The following MAPKAPK5 variants were observed in gnomAD, a reference collection of about 807,000 sequenced individuals.
MAPKAPK5 encodes MAP kinase-activated protein kinase 5.
Under a neutral mutation model 65.1 loss-of-function variants are expected in MAPKAPK5, and 30 were observed. The observed-to-expected ratio is 0.46, with a 90% CI of 0.34 to 0.63. MAPKAPK5 has a LOEUF of 0.63. Among genes scored for constraint, MAPKAPK5 ranks in the 20% least tolerant of loss-of-function variants. The probability of loss-of-function intolerance (pLI) is 0.01; values close to 1 mark genes in which losing one functional copy is unlikely to be tolerated. For missense variants in MAPKAPK5, 433 were observed against 581.4 expected, an observed-to-expected ratio of 0.74 and a Z score of 2.63; for synonymous variants, 179 against 204.6, an observed-to-expected ratio of 0.87 and a Z score of 1.07.
intron 7 of MAPKAPK5, among the ~76,000 whole-genome samples, chr12:111,877,703 C>T (rs1458991708): frequency 6.6e-6 from 1 of 152,040 alleles, no homozygotes; most frequent in Admixed American, 6.6e-5. Flanking sequence ...TTGTTGGAGA[C>T]AGGGTCTTGC....
intron 1 of MAPKAPK5, among the ~76,000 whole-genome samples, chr12:111,850,214 A>C (rs1437282577): frequency 6.6e-6 from 1 of 151,888 alleles, no homozygotes; most frequent in Non-Finnish European, 1.5e-5. Context: ...TTTTTAATAG[A>C]GACGGGGTTT....
intron 9 of MAPKAPK5, among the ~76,000 whole-genome samples, chr12:111,884,812 C>T (rs113477308): frequency 7.2e-5 from 11 of 152,262 alleles, no homozygotes; most frequent in African/African-American, 2.6e-4. Context: ...TGGGAGCTGT[C>T]TCCCAACAGT....
intron 1 of MAPKAPK5, among the ~76,000 whole-genome samples, chr12:111,853,689 C>T (rs2136078927): frequency 6.6e-6 from 1 of 152,184 alleles, no homozygotes; most frequent in Non-Finnish European, 1.5e-5. Context: ...TGCCTGCCAC[C>T]ACACCTGGCT....
At chr12:111,873,265 A>G (rs1204350566) in intron 7 of MAPKAPK5, among the ~76,000 whole-genome samples, 1 of 152,188 alleles carries the variant, frequency 6.6e-6, no homozygotes, top group East Asian at 1.9e-4. Flanking sequence ...ATCATTGGTA[A>G]AATGTTTTTT....
chr12:111,886,255 A>C (rs940097649), intron 10 of MAPKAPK5, among the ~76,000 whole-genome samples: 3 of 152,194 alleles, frequency 2.0e-5, no homozygotes, highest in Non-Finnish European at 2.9e-5. Context: ...GGAGCACTCA[A>C]AGGAATAGCC....
In MAPKAPK5 at chr12:111,881,966, A is replaced by G. The variant is rs562230849; in HGVS notation, c.660+1439A>G. On this transcript the variant is annotated intron_variant, in intron 8 of 13. Coordinates refer to ENST00000550735, the MANE Select transcript of MAPKAPK5 (RefSeq NM_003668.4). ...TGAGAGATGACATGATCTCTGCAGT[A>G]TTAGTTCCCTTTCTGGAAAGTGAGG... Among the ~76,000 whole-genome samples, 15 of 152,336 alleles carry G rather than the reference A, an allele frequency of 9.8e-5. No individual in the cohort carries two copies. The South Asian group carries it at 2.7e-3, about 27-fold the overall frequency.
At position 111,900,949 on chromosome 12, in the gene MAPKAPK5, A is replaced by G. The variant is rs1202004248; in HGVS notation, c.*7888A>G. The G allele has an allele frequency of 2.2e-6, 1 of 456,000 alleles. No individual in the cohort carries two copies. The highest frequency in any genetic ancestry group is 6.9e-5 in the East Asian group (1 of 14,408). The allele number at this position is 456,000 out of a possible 1,614,324, so 28.2% of individuals were successfully genotyped here. A position where few individuals can be genotyped will look rare whatever the true frequency, so the allele number is the denominator to read the frequency against. On this transcript the variant is annotated 3_prime_UTR_variant, in exon 14 of 14. Transcript: ENST00000550735. ...GAGTGTTACAATTCAATGAACAGCA[A>G]AGGGGACCAATTTGGAAACTGTGGC...
chr12:111,859,869 G>A (rs1314674799), intron 1 of MAPKAPK5, among the ~76,000 whole-genome samples: 1 of 151,194 alleles, frequency 6.6e-6, no homozygotes, highest in African/African-American at 2.4e-5. Flanking sequence ...GGCTGGTCTC[G>A]AACTCCTGAC....
chr12:111,859,569 T>A (rs1021190214), intron 1 of MAPKAPK5, among the ~76,000 whole-genome samples: 8 of 151,674 alleles, frequency 5.3e-5, no homozygotes, highest in African/African-American at 1.7e-4. Context: ...CGGTCAATTT[T>A]AAAATTTTTA....
At chr12:111,889,953 G>T in intron 12 of MAPKAPK5, 87 bp from the exon 13 acceptor site, 1 of 797,826 alleles carries the variant, frequency 1.3e-6, no homozygotes, top group Non-Finnish European at 2.1e-6. Flanking sequence ...TTTTCAACCA[G>T]TTGGACATCA....
At chr12:111,852,828 C>G (rs2069126161) in intron 1 of MAPKAPK5, among the ~76,000 whole-genome samples, 2 of 152,088 alleles carry the variant, frequency 1.3e-5, no homozygotes, top group South Asian at 4.2e-4. Context: ...GGCTTAAGTG[C>G]AGTAGTGCAA....
chr12:111,880,327 T>G (rs2070152139), intron 7 of MAPKAPK5, 120 bp from the exon 8 acceptor site: 19 of 804,270 alleles, frequency 2.4e-5, no homozygotes, highest in Admixed American at 6.7e-5. Flanking sequence ...TGTGGAGTTT[T>G]TTTTCGATGG....
In MAPKAPK5 at chr12:111,901,108, G is replaced by A. The variant is rs1186799265; in HGVS notation, c.*8047G>A. 2 of 456,110 alleles carry A rather than the reference G, an allele frequency of 4.4e-6. No homozygotes were observed. The highest frequency in any genetic ancestry group is 1.4e-4 in the East Asian group (2 of 14,402). 28.3% of individuals were successfully genotyped at this position (456,110 alleles called of 1,614,324 possible). On this transcript the variant is annotated 3_prime_UTR_variant, in exon 14 of 14. Coordinates refer to ENST00000550735, the MANE Select transcript of MAPKAPK5 (RefSeq NM_003668.4). ...CATACAATGATTCAGGTCCCTCAGG[G>A]AGATGGCTCATGTTGGAGCATGGAT... is the stretch of plus-strand genomic sequence containing the variant.
At position 111,866,241 on chromosome 12, in the gene MAPKAPK5, A is replaced by T; in HGVS notation, c.186+10A>T. 6.2e-7 allele frequency: 1 copy of T among 1,604,978 alleles called. No homozygotes were observed. The highest frequency in any genetic ancestry group is 8.5e-7 in the Non-Finnish European group (1 of 1,175,418). On this transcript the variant is annotated intron_variant, in intron 3 of 13. Coordinates refer to ENST00000550735, the MANE Select transcript of MAPKAPK5 (RefSeq NM_003668.4). ...AAAAGCTAGAAATGAGGTATGCTTT[A>T]TTGCCTCGACTTAATTAAATAGTTG...
At chr12:111,886,842 C>A (rs2070419636) in intron 10 of MAPKAPK5, among the ~76,000 whole-genome samples, 1 of 152,122 alleles carries the variant, frequency 6.6e-6, no homozygotes, top group Admixed American at 6.6e-5. Context: ...GACTTGCCAG[C>A]CTAATACTTC....
Position 111,900,626 on chromosome 12 carries a change from T to C in MAPKAPK5, c.*7565T>C, listed in dbSNP as rs541527979. 245 of 456,154 alleles carry C rather than the reference T, an allele frequency of 5.4e-4. 2 individuals are homozygous for C. Among genetic ancestry groups the C allele is most frequent in the South Asian group, 3.7e-3 (236 of 64,562 alleles). 28.3% of individuals were successfully genotyped at this position (456,154 alleles called of 1,614,324 possible). On this transcript the variant is annotated 3_prime_UTR_variant, in exon 14 of 14. Coordinates refer to ENST00000550735, the MANE Select transcript of MAPKAPK5 (RefSeq NM_003668.4). ...AGCAGTGTGACTGTGGTTCTCTATG[T>C]CAGCATCATGCATGCTGTGATGAAA...
chr12:111,853,229 A>G (rs911096483), intron 1 of MAPKAPK5, among the ~76,000 whole-genome samples: 3 of 151,866 alleles, frequency 2.0e-5, no homozygotes, highest in Non-Finnish European at 4.4e-5. Flanking sequence ...AAAACTAGCC[A>G]GGCGTGGTGG....
chr12:111,865,135 A>G, intron 1 of MAPKAPK5, 115 bp from the exon 2 acceptor site: 1 of 646,374 alleles, frequency 1.5e-6, no homozygotes, highest in Admixed American at 2.6e-5. Flanking sequence ...TGCTTATCAG[A>G]TTCTCTTAGA....
rs1367569930 is a variant in MAPKAPK5 at position 111,901,327 on chromosome 12, C to A, written c.*8266C>A. ...CACTGCCACTGTAATGAAGGGCATG[C>A]CCCCCCTGACTGTGTTACTGCAGGA... On this transcript the variant is annotated 3_prime_UTR_variant, in exon 14 of 14. Transcript: ENST00000550735. The A allele has an allele frequency of 2.2e-6, 1 of 455,824 alleles. No homozygotes were observed. Among genetic ancestry groups the A allele is most frequent in the Non-Finnish European group, 4.4e-6 (1 of 226,682 alleles). The allele number at this position is 455,824 out of a possible 1,614,324, so 28.2% of individuals were successfully genotyped here. A position where few individuals can be genotyped will look rare whatever the true frequency, so the allele number is the denominator to read the frequency against.
Sources: allele counts gnomAD v4.1 joint callset (sites outside exome capture counted in the v4.1 genomes callset), GRCh38; gene constraint gnomAD v4.1.1; transcripts MANE v1.5; gene names NCBI Gene and HGNC (gene_info 2026-07-23, HGNC 2026-07-21).